Variants in APBB2 observed in about 807,000 individuals in gnomAD.
The protein encoded by APBB2 is Fe65-like 1.
In APBB2, 38 loss-of-function variants were observed where a neutral mutation model predicts 82.5. That is an observed-to-expected ratio of 0.46 (90% confidence interval 0.36 to 0.60). APBB2 has a LOEUF of 0.60. Ranked by LOEUF, APBB2 falls within the 20% of genes least tolerant of loss-of-function variation. The pLI is 0.00. For synonymous variants in APBB2, 341 were observed against 368.2 expected, an observed-to-expected ratio of 0.93 and a Z score of 0.85; for missense variants, 772 against 972.3, an observed-to-expected ratio of 0.79 and a Z score of 2.74.
chr4:41,124,073 A>G (rs919803327), intron 2 of APBB2, among the ~76,000 whole-genome samples: 15 of 152,330 alleles, frequency 9.8e-5, no homozygotes, highest in Admixed American at 8.5e-4. Flanking sequence ...TTTGATATAC[A>G]GTGCGGAATA....
At chr4:41,049,120 G>A (rs1346237339) in intron 4 of APBB2, among the ~76,000 whole-genome samples, 5 of 150,604 alleles carry the variant, frequency 3.3e-5, no homozygotes, top group Admixed American at 6.6e-5. Flanking sequence ...CTGCCTGGCC[G>A]CCCATCGTCT....
intron 1 of APBB2, among the ~76,000 whole-genome samples, chr4:41,179,855 T>C (rs1489760556): frequency 2.0e-5 from 3 of 152,224 alleles, no homozygotes; most frequent in Non-Finnish European, 2.9e-5. Flanking sequence ...CTAGATTATA[T>C]ATAAATTCAG....
rs1165966273 is a variant in APBB2, at chr4:40,893,265, C to T, written c.1401G>A (p.Glu467=). Residue 467 remains glutamate (E), a splice_region_variant and synonymous_variant, in exon 11 of 18, where the codon GAG becomes GAA. Coordinates refer to ENST00000508593, the MANE Select transcript of APBB2 (RefSeq NM_004307.2). ...GTGCATCATTCTACATGCCACTTAC[C>T]TCTCCCCAAATCCCGACTGTGTCTC... ...DIRDTVGIWG[E]GKDMYLILEN... is the part of the protein sequence containing the mutation. 1 of 1,612,950 alleles carries T rather than the reference C, an allele frequency of 6.2e-7. No homozygotes were observed. The highest frequency in any genetic ancestry group is 8.5e-7 in the Non-Finnish European group (1 of 1,179,530).
chr4:40,831,778 G>C (rs1751979396), intron 12 of APBB2, among the ~76,000 whole-genome samples: 1 of 152,122 alleles, frequency 6.6e-6, no homozygotes, highest in South Asian at 2.1e-4. Context: ...CCAGATCTCA[G>C]AGCGACGGCA....
chr4:40,968,227 G>C (rs114433084), intron 6 of APBB2, among the ~76,000 whole-genome samples: 1,754 of 152,288 alleles, frequency 0.012, 37 homozygotes, highest in African/African-American at 0.04. Flanking sequence ...GCTGGGATTT[G>C]AGCCAGGCAG....
At chr4:41,015,270 GAAGA>G (rs1431227608) in intron 5 of APBB2, among the ~76,000 whole-genome samples, 4 of 152,158 alleles carry the variant, frequency 2.6e-5, no homozygotes, top group Non-Finnish European at 5.9e-5. Context: ...CTCTCGCTGG[GAAGA>G]AAGAAAGGTT....
intron 5 of APBB2, among the ~76,000 whole-genome samples, chr4:41,020,089 C>T (rs1459485342): frequency 1.3e-5 from 2 of 152,080 alleles, no homozygotes; most frequent in Non-Finnish European, 2.9e-5. Flanking sequence ...AAACAGTGTA[C>T]CCTATTCCTT....
chr4:41,000,457 T>C (rs1017106045), intron 6 of APBB2, among the ~76,000 whole-genome samples: 4 of 152,104 alleles, frequency 2.6e-5, no homozygotes, highest in African/African-American at 7.2e-5. Context: ...ATTACTACTA[T>C]TACTATTCTC....
chr4:41,001,963 T>C (rs1480667853), intron 6 of APBB2, among the ~76,000 whole-genome samples: 1 of 152,012 alleles, frequency 6.6e-6, no homozygotes, highest in African/African-American at 2.4e-5. Flanking sequence ...CCAACACCAA[T>C]GGCTGGGGTC....
At chr4:40,949,151 T>C (rs1444893490) in intron 6 of APBB2, among the ~76,000 whole-genome samples, 2 of 151,980 alleles carry the variant, frequency 1.3e-5, no homozygotes, top group Admixed American at 1.3e-4. Context: ...ACACCTGTGA[T>C]CCCAGCTACT....
intron 5 of APBB2, among the ~76,000 whole-genome samples, chr4:41,018,432 T>C (rs1470655085): frequency 6.6e-6 from 1 of 152,102 alleles, no homozygotes; most frequent in Non-Finnish European, 1.5e-5. Context: ...AGGATTATCA[T>C]CAAGGGAGCC....
intron 4 of APBB2, among the ~76,000 whole-genome samples, chr4:41,058,113 C>T (rs1487940180): frequency 6.6e-6 from 1 of 152,158 alleles, no homozygotes; most frequent in Non-Finnish European, 1.5e-5. Flanking sequence ...GGCTTCTTTC[C>T]AGGGCATCCG....
At chr4:41,055,089 A>C (rs1727375747) in intron 4 of APBB2, among the ~76,000 whole-genome samples, 1 of 152,132 alleles carries the variant, frequency 6.6e-6, no homozygotes, top group South Asian at 2.1e-4. Flanking sequence ...TGCTCTGGCC[A>C]CCCTGGCTCC....
At chr4:40,919,307 C>T (rs1445322247) in intron 10 of APBB2, among the ~76,000 whole-genome samples, 1 of 152,186 alleles carries the variant, frequency 6.6e-6, no homozygotes, top group East Asian at 1.9e-4. Context: ...GACAAACACC[C>T]CCATTAACAT....
chr4:41,146,199 G>A (rs1265450757), intron 1 of APBB2, among the ~76,000 whole-genome samples: 5 of 151,924 alleles, frequency 3.3e-5, no homozygotes, highest in African/African-American at 4.8e-5. Flanking sequence ...GGTGGCACAC[G>A]CCTCTAATTC....
intron 6 of APBB2, among the ~76,000 whole-genome samples, chr4:40,972,073 T>A (rs994590947): frequency 2.0e-5 from 3 of 152,164 alleles, no homozygotes; most frequent in African/African-American, 7.2e-5. Context: ...CACACTTAGA[T>A]AAATTATAGA....
intron 2 of APBB2, among the ~76,000 whole-genome samples, chr4:41,119,550 A>T (rs888925763): frequency 6.7e-6 from 1 of 149,470 alleles, no homozygotes; most frequent in Non-Finnish European, 1.5e-5. Context: ...AAAGTTGGCA[A>T]TTTTTTTTTC....
intron 4 of APBB2, among the ~76,000 whole-genome samples, chr4:41,034,241 T>C (rs1192959435): frequency 1.2e-5 from 1 of 84,478 alleles, no homozygotes; most frequent in Non-Finnish European, 3.1e-5. Context: ...GTTCATTAGA[T>C]GATAATACAC....
At chr4:41,080,051 T>C (rs1737033843) in intron 3 of APBB2, among the ~76,000 whole-genome samples, 1 of 152,168 alleles carries the variant, frequency 6.6e-6, no homozygotes, top group South Asian at 2.1e-4. Context: ...GAAGAACAAT[T>C]TTCTTTGTCT....
Sources: allele counts gnomAD v4.1 joint callset (sites outside exome capture counted in the v4.1 genomes callset), GRCh38; gene constraint gnomAD v4.1.1; transcripts MANE v1.5; gene names NCBI Gene and HGNC (gene_info 2026-07-23, HGNC 2026-07-21).